Variants in ATP10A observed in about 807,000 individuals in gnomAD.
ATP10A encodes ATPase phospholipid transporting 10A (putative).
Under a neutral mutation model 147.8 loss-of-function variants are expected in ATP10A, and 111 were observed. That is an observed-to-expected ratio of 0.75 (90% confidence interval 0.64 to 0.88). The LOEUF (loss-of-function observed/expected upper bound fraction) is 0.88. ATP10A is among the 40% of genes least tolerant of loss of function. ATP10A has a pLI of 0.00. For missense variants in ATP10A, 1,927 were observed against 1,959.0 expected (o/e 0.98, Z 0.31); for synonymous variants, 875 against 841.6 (o/e 1.04, Z -0.69).
intron 1 of ATP10A, among the ~76,000 whole-genome samples, chr15:25,842,685 T>C (rs985191807): frequency 2.0e-5 from 3 of 152,102 alleles, no homozygotes; most frequent in African/African-American, 7.2e-5. Context: ...TCTCTGATTG[T>C]ATAGATAGGT....
intron 1 of ATP10A, among the ~76,000 whole-genome samples, chr15:25,782,360 A>G (rs1889965562): frequency 6.6e-6 from 1 of 152,252 alleles, no homozygotes; most frequent in South Asian, 2.1e-4. Context: ...CCACACCGTA[A>G]GTATCACTAA....
chr15:25,679,954 T>C lies in ATP10A; in HGVS notation c.3887A>G (p.Gln1296Arg). Reference protein sequence around the residue: ...LLPRLFFRSLQGRVFPTQLQL... With the variant: ...LLPRLFFRSLRGRVFPTQLQL... ...AAGTTGTGTGGGGAAAACCCTCCCCTGGAGGGATCTGAAAAACAATCTAGA... is the reference window on the plus strand; with the variant it reads ...AAGTTGTGTGGGGAAAACCCTCCCCCGGAGGGATCTGAAAAACAATCTAGA... The change falls in exon 21 of 21, where the codon CAG (glutamine) becomes CGG (arginine). Residue 1296 changes from glutamine to arginine, a missense_variant. Coordinates refer to ENST00000555815, the MANE Select transcript of ATP10A (RefSeq NM_024490.4). The C allele has an allele frequency of 6.3e-7, 1 of 1,596,190 alleles. No individual in the cohort carries two copies. Among genetic ancestry groups the C allele is most frequent in the Non-Finnish European group, 8.6e-7 (1 of 1,167,700 alleles).
At chr15:25,734,140 C>T (rs1217485297) in intron 3 of ATP10A, among the ~76,000 whole-genome samples, 3 of 152,166 alleles carry the variant, frequency 2.0e-5, no homozygotes, top group African/African-American at 7.2e-5. Context: ...CTGAGCAATA[C>T]AATGCTCCTC....
rs1355752091 is a variant in ATP10A, at chr15:25,850,161, G to A, written c.449+12487C>T. Among the ~76,000 whole-genome samples, 3 of 152,316 alleles carry A rather than the reference G, an allele frequency of 2.0e-5. No individual in the cohort carries two copies. The East Asian group carries it at 5.8e-4, about 29-fold the overall frequency. ...GGTGAACAATTGTAGCCCATTATGT[G>A]TATGAGACATTCTGGAAAATATCGC... is the stretch of plus-strand genomic sequence containing the variant. On this transcript the variant is annotated intron_variant, in intron 1 of 20. Transcript: ENST00000555815.
intron 2 of ATP10A, among the ~76,000 whole-genome samples, chr15:25,777,765 A>AT (rs1281384201): frequency 7.5e-6 from 1 of 133,782 alleles, no homozygotes; most frequent in Admixed American, 8.3e-5. Context: ...ATATCTGGCA[A>AT]TTTTTTTTCT....
intron 1 of ATP10A, among the ~76,000 whole-genome samples, chr15:25,790,534 G>C (rs1890365044): frequency 6.6e-6 from 1 of 152,192 alleles, no homozygotes; most frequent in Admixed American, 6.5e-5. Flanking sequence ...AAAGGATGCA[G>C]AGTCTCTCAG....
downstream of ATP10A, chr15:25,678,501 C>G (rs549784340): frequency 3.3e-5 from 5 of 152,296 alleles, no homozygotes; most frequent in South Asian, 1.0e-3. Flanking sequence ...ACAAAAATGC[C>G]TGAAGACCGC....
Position 25,721,155 on chromosome 15 carries a change from G to A in ATP10A, c.1363+502C>T, listed in dbSNP as rs187059567. 5.4e-4 allele frequency among the ~76,000 whole-genome samples: 83 copies of A among 152,346 alleles called. 1 individual carries two copies. The East Asian group carries it at 0.014, about 25-fold the overall frequency. On this transcript the variant is annotated intron_variant, in intron 7 of 20. Coordinates refer to ENST00000555815, the MANE Select transcript of ATP10A (RefSeq NM_024490.4). ...GAGGCAGCCACAGATAAGGAAGGGA[G>A]AGGTGGGAGTGGGGACCGCTTCAAT... is the stretch of plus-strand genomic sequence containing the variant.
intron 1 of ATP10A, among the ~76,000 whole-genome samples, chr15:25,861,601 A>G (rs1447335267): frequency 2.0e-5 from 3 of 152,160 alleles, no homozygotes; most frequent in Non-Finnish European, 2.9e-5. Context: ...CTCCTCTTTT[A>G]GGGGAACAAT....
At position 25,687,001 on chromosome 15, in the gene ATP10A, G is replaced by A. The variant is rs145231701; in HGVS notation, c.3291+702C>T. Among the ~76,000 whole-genome samples, 389 of 108,242 alleles carry A rather than the reference G, an allele frequency of 3.6e-3. 104 individuals are homozygous for A. The highest frequency in any genetic ancestry group is 6.7e-3 in the South Asian group (22 of 3,300). 71.0% of individuals were successfully genotyped at this position (108,242 alleles called of 152,430 possible). Reference sequence around the variant, plus strand: ...AGCTACAGAATGAGCTCATCCGAGAGGGGTGTGTCTGCTCTGCAAGCCTGG... The same window carrying A: ...AGCTACAGAATGAGCTCATCCGAGAAGGGTGTGTCTGCTCTGCAAGCCTGG... On this transcript the variant is annotated intron_variant, in intron 16 of 20. Coordinates refer to ENST00000555815, the MANE Select transcript of ATP10A (RefSeq NM_024490.4).
intron 2 of ATP10A, among the ~76,000 whole-genome samples, chr15:25,743,832 C>T (rs984559841): frequency 1.3e-5 from 2 of 152,096 alleles, no homozygotes; most frequent in African/African-American, 4.8e-5. Context: ...TGACTTATGG[C>T]TTCCTTCCAT....
chr15:25,834,966 G>A (rs1892527257), intron 1 of ATP10A, among the ~76,000 whole-genome samples: 1 of 152,096 alleles, frequency 6.6e-6, no homozygotes, highest in African/African-American at 2.4e-5. Context: ...TCATTTTTCT[G>A]CTAAAAATGT....
intron 1 of ATP10A, among the ~76,000 whole-genome samples, chr15:25,838,520 T>C (rs964711338): frequency 6.6e-6 from 1 of 152,176 alleles, no homozygotes; most frequent in Non-Finnish European, 1.5e-5. Context: ...TCTCCCACCA[T>C]AGAATTACAA....
At chr15:25,816,753 T>C (rs963791383) in intron 1 of ATP10A, among the ~76,000 whole-genome samples, 3 of 152,196 alleles carry the variant, frequency 2.0e-5, no homozygotes, top group African/African-American at 7.2e-5. Flanking sequence ...AGTCACATTA[T>C]TTTTTAAGGT....
At chr15:25,823,440 T>A (rs1026002850) in intron 1 of ATP10A, among the ~76,000 whole-genome samples, 4 of 152,158 alleles carry the variant, frequency 2.6e-5, no homozygotes, top group African/African-American at 9.7e-5. Flanking sequence ...CAAGTTCAAA[T>A]AACAACTGAA....
In ATP10A at chr15:25,724,029, A is replaced by G; in HGVS notation, c.980-8T>C. ...ATATCCACAGTCCATGTCCTGTAGT[A>G]ATGTTCAAAGAGAAATGTCATTCAT... On this transcript the variant is annotated splice_region_variant and splice_polypyrimidine_tract_variant and intron_variant, in intron 5 of 20. Coordinates refer to ENST00000555815, the MANE Select transcript of ATP10A (RefSeq NM_024490.4). The G allele has an allele frequency of 6.5e-7, 1 of 1,534,902 alleles. No individual in the cohort carries two copies. The highest frequency in any genetic ancestry group is 8.7e-7 in the Non-Finnish European group (1 of 1,143,146).
chr15:25,718,540 A>G, intron 7 of ATP10A, 141 bp from the exon 8 acceptor site: 1 of 826,252 alleles, frequency 1.2e-6, no homozygotes, highest in Non-Finnish European at 1.9e-6. Context: ...CTCTAATAGC[A>G]AGGCACGGAG....
At chr15:25,783,710 G>A (rs1004000996) in intron 1 of ATP10A, among the ~76,000 whole-genome samples, 1 of 152,220 alleles carries the variant, frequency 6.6e-6, no homozygotes, top group East Asian at 1.9e-4. Context: ...AGCTATCACC[G>A]CTAGAGAGCG....
chr15:25,717,584 G>T (rs74003872), intron 8 of ATP10A, among the ~76,000 whole-genome samples: 17,347 of 152,158 alleles, frequency 0.11, 1,120 homozygotes, highest in African/African-American at 0.13. Context: ...TCCAAAACTC[G>T]AAATCAGCCC....
Sources: gnomAD v4.1 joint callset for allele counts (sites outside exome capture counted in the v4.1 genomes callset) on GRCh38, gnomAD v4.1.1 for gene constraint, MANE v1.5 for transcripts, NCBI Gene and HGNC (gene_info 2026-07-23, HGNC 2026-07-21) for gene names.